TTC39A: variants seen among roughly 807,000 people sequenced by gnomAD.
The protein encoded by TTC39A is tetratricopeptide repeat protein 39A.
A neutral mutation model predicts 82.3 loss-of-function variants in TTC39A; 46 were observed. The ratio of observed to expected loss-of-function variants is 0.56; its 90% CI spans 0.44 to 0.71. TTC39A has a LOEUF of 0.71. TTC39A is among the 30% of genes least tolerant of loss of function. The pLI, the probability that TTC39A is intolerant of heterozygous loss-of-function variation, is 0.00. For missense variants in TTC39A, 543 were observed against 712.9 expected, an observed-to-expected ratio of 0.76 and a Z score of 2.71; for synonymous variants, 254 against 275.2, an observed-to-expected ratio of 0.92 and a Z score of 0.76.
chr1:51,299,700 G>C (rs943371560), intron 12 of TTC39A: 9 of 152,372 alleles, frequency 5.9e-5, no homozygotes, highest in African/African-American at 1.9e-4. Flanking sequence ...CCCACCTTCT[G>C]TTCCTCTATA....
chr1:51,326,251 G>A (rs990625214), intron 1 of TTC39A, among the ~76,000 whole-genome samples: 3 of 152,164 alleles, frequency 2.0e-5, no homozygotes, highest in Non-Finnish European at 4.4e-5. Flanking sequence ...GAGGCTGGGC[G>A]GAAGGAGGAT....
intron 14 of TTC39A, among the ~76,000 whole-genome samples, chr1:51,292,838 ACTT>A (rs1349514884): frequency 1.3e-5 from 2 of 152,186 alleles, no homozygotes; most frequent in African/African-American, 4.8e-5. Flanking sequence ...ATATCTTTAA[ACTT>A]CTTCTTAGAT....
In TTC39A at chr1:51,312,010, C is replaced by G. The variant is rs1490220340; in HGVS notation, c.355+109G>C. 3 of 1,205,246 alleles carry G rather than the reference C, an allele frequency of 2.5e-6. No individual in the cohort carries two copies. The Admixed American group carries it at 7.1e-5, about 28-fold the overall frequency. The allele number at this position is 1,205,246 out of a possible 1,614,324, so 74.7% of individuals were successfully genotyped here. On this transcript the variant is annotated intron_variant, in intron 4 of 17. Transcript: ENST00000680483. The stretch of plus-strand genomic sequence containing the variant: ...ACCCATGTGTGTCCTGGCATGGACA[C>G]CAGGGCCTGGCCCCCTAGGCGATGA...
chr1:51,304,527 C>T (rs779567669), intron 8 of TTC39A, among the ~76,000 whole-genome samples: 1 of 152,214 alleles, frequency 6.6e-6, no homozygotes, highest in Non-Finnish European at 1.5e-5. Flanking sequence ...GCTCCTTCTA[C>T]CACACTAGGC....
intron 13 of TTC39A, 190 bp downstream of exon 13, chr1:51,295,889 C>A (rs1202068626): frequency 1.6e-6 from 1 of 613,554 alleles, no homozygotes; most frequent in African/African-American, 1.8e-5. Context: ...CTCCAACCAC[C>A]AGCAGCAGCA....
At chr1:51,302,956 G>A (rs1644730222) in intron 9 of TTC39A, 128 bp downstream of exon 9, 1 of 807,096 alleles carries the variant, frequency 1.2e-6, no homozygotes, top group Non-Finnish European at 2.0e-6. Flanking sequence ...CAGTGGATGT[G>A]GCTCTGTTTC....
intron 1 of TTC39A, among the ~76,000 whole-genome samples, chr1:51,337,961 G>A (rs934964045): frequency 2.6e-5 from 4 of 152,158 alleles, no homozygotes; most frequent in African/African-American, 7.2e-5. Context: ...CTCCTGAGTA[G>A]CTGAGACTCT....
intron 6 of TTC39A, 42 bp from the exon 7 acceptor site, chr1:51,306,118 G>GT: frequency 1.9e-6 from 3 of 1,562,056 alleles, no homozygotes; most frequent in Non-Finnish European, 1.8e-6. Context: ...ACTGCTGGGG[G>GT]TGGGGGGTAG....
At chr1:51,289,003 C>A in intron 16 of TTC39A, 48 bp from the exon 17 acceptor site, 2 of 1,512,864 alleles carry the variant, frequency 1.3e-6, no homozygotes, top group South Asian at 1.2e-5. Flanking sequence ...GAGCCTCTCC[C>A]AAACTGCATG....
intron 16 of TTC39A, 108 bp downstream of exon 16, chr1:51,289,897 T>TGG: frequency 1.3e-6 from 1 of 798,920 alleles, no homozygotes; most frequent in Non-Finnish European, 2.0e-6. Flanking sequence ...GTGTGGTGAG[T>TGG]GGGGGTTGGC....
chr1:51,334,677 TAGC>T (rs1645952991), upstream of TTC39A: 1 of 150,322 alleles, frequency 6.7e-6, no homozygotes. Context: ...AGAAAGAAAA[TAGC>T]AGAGTGCTAT....
chr1:51,318,641 G>A (rs1010803242), intron 2 of TTC39A, among the ~76,000 whole-genome samples: 9 of 152,186 alleles, frequency 5.9e-5, no homozygotes, highest in Non-Finnish European at 1.3e-4. Context: ...GAGCTTGGGT[G>A]CAGGGGACAA....
intron 1 of TTC39A, among the ~76,000 whole-genome samples, chr1:51,343,871 G>A (rs1646065862): frequency 6.6e-6 from 1 of 152,188 alleles, no homozygotes; most frequent in Non-Finnish European, 1.5e-5. Flanking sequence ...CCTCCCGCTG[G>A]GATTACAGGC....
intron 13 of TTC39A, 146 bp downstream of exon 13, chr1:51,295,933 G>C: frequency 1.3e-6 from 1 of 782,296 alleles, no homozygotes; most frequent in Non-Finnish European, 2.1e-6. Flanking sequence ...AGGACACGCA[G>C]GGGGGGCAGT....
rs926985521 is a variant in TTC39A at position 51,321,647 on chromosome 1, C to T, written c.146+74G>A. 10 of 1,377,258 alleles carry T rather than the reference C, an allele frequency of 7.3e-6. No individual in the cohort carries two copies. In the African/African-American group the frequency reaches 1.3e-4, roughly 18 times the overall value. The allele number at this position is 1,377,258 out of a possible 1,614,324, so 85.3% of individuals were successfully genotyped here. ...CAAAGGCATTTAGTTACACAGGGTT[C>T]CTCTCATACAAGACCTCTGGTTCTC... On this transcript the variant is annotated intron_variant, in intron 2 of 17. Transcript: ENST00000680483. This position sits in a 1 kb window ranked among gnomAD's most constrained non-coding sequence, Gnocchi z 4.6.
chr1:51,320,160 G>A (rs928691341), intron 2 of TTC39A, among the ~76,000 whole-genome samples: 1 of 152,024 alleles, frequency 6.6e-6, no homozygotes, highest in Admixed American at 6.6e-5. Flanking sequence ...AATGAGGGGG[G>A]TACTGAGTGC....
At chr1:51,303,632 G>A (rs1557712860) in intron 8 of TTC39A, among the ~76,000 whole-genome samples, 1 of 152,150 alleles carries the variant, frequency 6.6e-6, no homozygotes, top group Non-Finnish European at 1.5e-5. Context: ...GGGAGGGGCT[G>A]GGGGCAGACC....
At chr1:51,319,387 G>A (rs1380338712) in intron 2 of TTC39A, among the ~76,000 whole-genome samples, 2 of 152,148 alleles carry the variant, frequency 1.3e-5, no homozygotes, top group Admixed American at 6.5e-5. Flanking sequence ...GGTCCAAAAG[G>A]TGAGTTAAAG....
At chr1:51,329,860 G>C (rs1431449897) in intron 1 of TTC39A, 1 of 152,418 alleles carries the variant, frequency 6.6e-6, no homozygotes, top group Non-Finnish European at 1.5e-5. Flanking sequence ...GGTTGGGCAG[G>C]AGAGCCACGT....
Sources: gnomAD v4.1 joint callset for allele counts (sites outside exome capture counted in the v4.1 genomes callset) on GRCh38, gnomAD v4.1.1 for gene constraint, Gnocchi (gnomAD v3.1) non-coding constraint, MANE v1.5 for transcripts, NCBI Gene and HGNC (gene_info 2026-07-23, HGNC 2026-07-21) for gene names.